The following CDH13 variants were observed in gnomAD, a reference collection of about 807,000 sequenced individuals.
CDH13 encodes cadherin-13.
Under a neutral mutation model 63.8 loss-of-function variants are expected in CDH13, and 24 were observed. The observed-to-expected ratio is 0.38, with a 90% CI of 0.27 to 0.53. The LOEUF is 0.53. CDH13 is among the 20% of genes least tolerant of loss of function. CDH13 has a pLI of 0.85. For synonymous variants in CDH13, 503 were observed against 355.3 expected (o/e 1.42, Z -4.67); for missense variants, 1,049 against 903.1 (o/e 1.16, Z -2.07).
chr16:83,545,627 G>C (rs2075373796), intron 7 of CDH13, among the ~76,000 whole-genome samples: 1 of 152,100 alleles, frequency 6.6e-6, no homozygotes, highest in African/African-American at 2.4e-5. Flanking sequence ...AAGGCTGTAG[G>C]TGAATTTTAA....
chr16:83,754,486 C>T (rs1213709499), intron 11 of CDH13, among the ~76,000 whole-genome samples: 1 of 152,130 alleles, frequency 6.6e-6, no homozygotes, highest in Non-Finnish European at 1.5e-5. Context: ...CCATCTGATA[C>T]AGTTTGGCTC....
At chr16:83,702,642 A>G (rs1030751734) in intron 10 of CDH13, among the ~76,000 whole-genome samples, 1 of 152,188 alleles carries the variant, frequency 6.6e-6, no homozygotes, top group Non-Finnish European at 1.5e-5. Context: ...AGTGCTTCTC[A>G]TCTCCCCACC....
At chr16:83,216,427 T>TATATATATATATATATATAAAA (rs71148821) in intron 4 of CDH13, among the ~76,000 whole-genome samples, 3 of 45,070 alleles carry the variant, frequency 6.7e-5, no homozygotes, top group Non-Finnish European at 9.9e-5. Flanking sequence ...TATATATATA[T>TATATATATATATATATATAAAA]ATATATATAT....
intron 7 of CDH13, among the ~76,000 whole-genome samples, chr16:83,527,413 C>T (rs983090636): frequency 6.6e-5 from 10 of 151,612 alleles, no homozygotes; most frequent in East Asian, 3.9e-4. Flanking sequence ...CTGGCCACTG[C>T]ACTCCAGCCT....
intron 3 of CDH13, among the ~76,000 whole-genome samples, chr16:83,040,094 C>T (rs1052198011): frequency 6.6e-5 from 10 of 151,776 alleles, no homozygotes; most frequent in Non-Finnish European, 1.3e-4. Flanking sequence ...ATGCAGCACA[C>T]TAAGATCACT....
intron 2 of CDH13, among the ~76,000 whole-genome samples, chr16:83,008,914 A>G (rs1913830910): frequency 6.6e-6 from 1 of 152,218 alleles, no homozygotes; most frequent in Non-Finnish European, 1.5e-5. Flanking sequence ...TTATGGTGGA[A>G]GGGGAAGCAA....
At chr16:83,551,380 A>C (rs2075492869) in intron 7 of CDH13, among the ~76,000 whole-genome samples, 1 of 152,152 alleles carries the variant, frequency 6.6e-6, no homozygotes, top group Admixed American at 6.5e-5. Flanking sequence ...TTCTTTTAAC[A>C]TGTAAGTCTC....
intron 3 of CDH13, among the ~76,000 whole-genome samples, chr16:83,106,061 G>C (rs2034748471): frequency 6.6e-6 from 1 of 152,146 alleles, no homozygotes; most frequent in South Asian, 2.1e-4. Context: ...TCCACTGGTG[G>C]GTTATTTGTC....
intron 3 of CDH13, among the ~76,000 whole-genome samples, chr16:83,111,047 C>T (rs1357104597): frequency 1.4e-5 from 2 of 146,170 alleles, no homozygotes; most frequent in Non-Finnish European, 3.0e-5. Context: ...TGTCGGGTGC[C>T]TGTAGTCCCA....
chr16:83,660,922 A>T (rs1913383848), intron 8 of CDH13, among the ~76,000 whole-genome samples: 1 of 119,342 alleles, frequency 8.4e-6, no homozygotes, highest in Non-Finnish European at 2.0e-5. Context: ...CCAAGCCTGA[A>T]ATTGAAGAAA....
intron 2 of CDH13, among the ~76,000 whole-genome samples, chr16:83,022,200 A>C (rs1335103221): frequency 6.6e-6 from 1 of 152,196 alleles, no homozygotes; most frequent in African/African-American, 2.4e-5. Flanking sequence ...ATTAAATGCT[A>C]CTTTAGTTGT....
intron 1 of CDH13, chr16:82,719,474 T>C (rs2032617901): frequency 2.2e-6 from 1 of 455,670 alleles, no homozygotes; most frequent in South Asian, 1.6e-5. Context: ...GATGCCAACT[T>C]CGTAAGTTAC....
At chr16:82,651,592 C>T (rs533675620) in intron 1 of CDH13, among the ~76,000 whole-genome samples, 2 of 152,318 alleles carry the variant, frequency 1.3e-5, no homozygotes, top group South Asian at 2.1e-4. Flanking sequence ...TGTCTCAACA[C>T]TTGTAATAAC....
intron 4 of CDH13, among the ~76,000 whole-genome samples, chr16:83,198,422 C>G (rs6565151): frequency 0.2 from 30,057 of 151,946 alleles, 3,191 homozygotes; most frequent in African/African-American, 0.22. Context: ...CAATTTGCAG[C>G]TGAAGACATA....
Position 83,180,957 on chromosome 16 carries a change from T to C in CDH13, c.484-36388T>C, listed in dbSNP as rs865988464. 14 of 1,532,828 alleles carry C rather than the reference T, an allele frequency of 9.1e-6. No homozygotes were observed. The Middle Eastern group carries it at 1.8e-3, about 201-fold the overall frequency. 95.0% of individuals were successfully genotyped at this position (1,532,828 alleles called of 1,614,324 possible). On this transcript the variant is annotated intron_variant, in intron 4 of 13. Transcript: ENST00000567109. Reference sequence around the variant, plus strand: ...TCCATGCATTACAATTTTAGCAATTTAATGAACATCCTATTTGGCGACATT... The same window carrying C: ...TCCATGCATTACAATTTTAGCAATTCAATGAACATCCTATTTGGCGACATT...
chr16:82,630,824 C>G (rs1907916762), intron 1 of CDH13, among the ~76,000 whole-genome samples: 1 of 152,166 alleles, frequency 6.6e-6, no homozygotes, highest in African/African-American at 2.4e-5. Flanking sequence ...AACAGTGTTT[C>G]TGTGTGCGCG....
chr16:83,372,749 T>TAAA (rs35480546), intron 6 of CDH13, among the ~76,000 whole-genome samples: 10 of 95,566 alleles, frequency 1.0e-4, no homozygotes, highest in East Asian at 3.4e-4. Flanking sequence ...AGACTCGGTC[T>TAAA]AAAAAAAAAA....
At chr16:82,798,453 G>A (rs1157930879) in intron 1 of CDH13, among the ~76,000 whole-genome samples, 9 of 152,080 alleles carry the variant, frequency 5.9e-5, no homozygotes, top group Non-Finnish European at 1.2e-4. Context: ...GAAATGTGAT[G>A]GTGTGATTAG....
intron 2 of CDH13, among the ~76,000 whole-genome samples, chr16:82,993,287 G>T (rs946889126): frequency 6.6e-6 from 1 of 152,066 alleles, no homozygotes; most frequent in Non-Finnish European, 1.5e-5. Flanking sequence ...TAGAGCATTG[G>T]TGCTGCCTAT....
Sources: allele counts gnomAD v4.1 joint callset (sites outside exome capture counted in the v4.1 genomes callset), GRCh38; gene constraint gnomAD v4.1.1; transcripts MANE v1.5; gene names NCBI Gene and HGNC (gene_info 2026-07-23, HGNC 2026-07-21).